Variants in CHD6 observed in about 807,000 individuals in gnomAD.
CHD6 encodes ATP-dependent chromatin remodeler CHD6.
A neutral mutation model predicts 276.9 loss-of-function variants in CHD6; 50 were observed. The observed-to-expected ratio is 0.18, with a 90% CI of 0.14 to 0.23. The LOEUF is 0.23. CHD6 is among the 10% of genes least tolerant of loss of function. The pLI, the probability that CHD6 is intolerant of heterozygous loss-of-function variation, is 1.00. For synonymous variants in CHD6, 1,173 were observed against 1,229.3 expected (o/e 0.95, Z 0.96); for missense variants, 2,564 against 3,365.8 (o/e 0.76, Z 5.89).
At chr20:41,455,707 T>C in intron 19 of CHD6, 93 bp downstream of exon 19, 1 of 802,900 alleles carries the variant, frequency 1.2e-6, no homozygotes, top group Non-Finnish European at 1.9e-6. Context: ...GGATTTGCAT[T>C]CAGAGAAACA....
chr20:41,548,396 A>G (rs2045083975), intron 2 of CHD6, among the ~76,000 whole-genome samples: 1 of 152,220 alleles, frequency 6.6e-6, no homozygotes, highest in Non-Finnish European at 1.5e-5. Flanking sequence ...AACCAGTAAA[A>G]TCTCACAAGA....
At chr20:41,433,991 C>A (rs1221222749) in intron 27 of CHD6, among the ~76,000 whole-genome samples, 4 of 151,710 alleles carry the variant, frequency 2.6e-5, no homozygotes, top group Non-Finnish European at 5.9e-5. Flanking sequence ...CTCATGTAAA[C>A]CAGAGGAAGG....
In CHD6 at chr20:41,487,699, A is replaced by G. The variant is rs2043450929; in HGVS notation, c.1967T>C (p.Leu656Ser). Residue 656 changes from leucine to serine, a missense_variant, in exon 14 of 37, where the codon TTG (leucine) becomes TCG (serine). Physicochemically the swap from Leu to Ser is moderately radical, Grantham distance 145. Coordinates refer to ENST00000373233, the MANE Select transcript of CHD6 (RefSeq NM_032221.5). ...TGTTTTCAGATCTCCAAATTCCTCC[A>G]AGAAAGCGGTCTCTGAAGGAAACTG... ...PSQFPSETAF[L>S]EEFGDLKTEE... 1 of 1,610,476 alleles carries G rather than the reference A, an allele frequency of 6.2e-7. No homozygotes were observed.
At chr20:41,585,325 G>C (rs2045582648) in intron 1 of CHD6, among the ~76,000 whole-genome samples, 1 of 151,954 alleles carries the variant, frequency 6.6e-6, no homozygotes, top group Non-Finnish European at 1.5e-5. Context: ...CCAACATGGA[G>C]AAACCGTCTT....
intron 17 of CHD6, among the ~76,000 whole-genome samples, chr20:41,464,364 G>T (rs772711212): frequency 6.6e-6 from 1 of 152,026 alleles, no homozygotes; most frequent in South Asian, 2.1e-4. Context: ...TAATACTAAA[G>T]ACCAAAAAAC....
chr20:41,586,262 C>T (rs1275144475), intron 1 of CHD6, among the ~76,000 whole-genome samples: 3 of 152,192 alleles, frequency 2.0e-5, no homozygotes, highest in South Asian at 2.1e-4. Context: ...TGCTGAACGC[C>T]GTCACAAGAC....
chr20:41,537,182 T>A (rs1158739340), intron 2 of CHD6, among the ~76,000 whole-genome samples: 1 of 152,194 alleles, frequency 6.6e-6, no homozygotes, highest in Non-Finnish European at 1.5e-5. Context: ...TTATCAAAAT[T>A]AATAACTTTT....
In CHD6 at chr20:41,499,299, TG is replaced by T; in HGVS notation, c.910del (p.Gln304ArgfsTer55). ...CTAGAAACATGAGCCACCAACCTCC[TG>T]GACAGTCTTAGATGCCAGGATCTTC... ...IEKILASKTV[Q>X]EVHPGEPPFD... On this transcript the variant is annotated frameshift_variant, in exon 6 of 37. Coordinates refer to ENST00000373233, the MANE Select transcript of CHD6 (RefSeq NM_032221.5). LOFTEE classifies it high-confidence loss of function. 1 of 1,607,092 alleles carries T rather than the reference TG, an allele frequency of 6.2e-7. No homozygotes were observed. Among genetic ancestry groups the T allele is most frequent in the Non-Finnish European group, 8.5e-7 (1 of 1,176,328 alleles).
intron 14 of CHD6, among the ~76,000 whole-genome samples, chr20:41,487,002 C>T (rs2043430958): frequency 6.6e-6 from 1 of 152,194 alleles, no homozygotes; most frequent in African/African-American, 2.4e-5. Flanking sequence ...GAAGGACCAC[C>T]TCTACTATTT....
intron 1 of CHD6, among the ~76,000 whole-genome samples, chr20:41,565,763 A>C (rs964729918): frequency 1.3e-5 from 2 of 152,178 alleles, no homozygotes; most frequent in Non-Finnish European, 2.9e-5. Context: ...GAAATGTTCT[A>C]TTTGGGGCGC....
chr20:41,484,033 A>C (rs1299297202), intron 15 of CHD6, among the ~76,000 whole-genome samples: 1 of 152,172 alleles, frequency 6.6e-6, no homozygotes, highest in Non-Finnish European at 1.5e-5. Flanking sequence ...CCCCAAGTAG[A>C]AAGTGTGGGC....
chr20:41,497,682 A>G lies in CHD6; in HGVS notation c.975-181T>C, dbSNP rs936900850. The G allele has an allele frequency of 1.0e-5, 6 of 597,526 alleles. No homozygotes were observed. The African/African-American group carries it at 1.1e-4, about 11-fold the overall frequency. The allele number at this position is 597,526 out of a possible 1,614,324, so 37.0% of individuals were successfully genotyped here. A position where few individuals can be genotyped will look rare whatever the true frequency, so the allele number is the denominator to read the frequency against. ...AAGGGCAACAACAGAAAACAAAACA[A>G]AACGGAGTAATTCCAAGCAACTGAT... On this transcript the variant is annotated intron_variant, in intron 7 of 36. Transcript: ENST00000373233.
At chr20:41,491,960 G>A (rs1298252604) in intron 10 of CHD6, 141 bp from the exon 11 acceptor site, 5 of 855,252 alleles carry the variant, frequency 5.8e-6, no homozygotes, top group Non-Finnish European at 7.3e-6. Context: ...GTAACGTATA[G>A]GTTGGGGGAA....
At position 41,405,231 on chromosome 20, in the gene CHD6, T is replaced by C. The variant is rs202205174; in HGVS notation, c.7510A>G (p.Thr2504Ala). ...TTGACCTCTTCACCTGTTGGCATCG[T>C]GGCAAAGCCAGCTGGAAACCCCACC... ...GLVGFPAGFA[T>A]MPTGEEVKST... The change falls in exon 37 of 37, where the codon ACG becomes GCG. Residue 2504 changes from threonine to alanine, a missense_variant. Coordinates refer to ENST00000373233, the MANE Select transcript of CHD6 (RefSeq NM_032221.5). 7 of 1,614,184 alleles carry C rather than the reference T, an allele frequency of 4.3e-6. No homozygotes were observed. Among genetic ancestry groups the C allele is most frequent in the Non-Finnish European group, 5.9e-6 (7 of 1,180,038 alleles).
intron 36 of CHD6, among the ~76,000 whole-genome samples, chr20:41,408,541 C>T (rs1211361381): frequency 6.6e-6 from 1 of 152,174 alleles, no homozygotes; most frequent in African/African-American, 2.4e-5. Context: ...TCTGGGCCAG[C>T]CACTCTGTCT....
chr20:41,415,709 G>A (rs1207378301), intron 33 of CHD6, 71 bp from the exon 34 acceptor site: 3 of 1,194,176 alleles, frequency 2.5e-6, no homozygotes, highest in South Asian at 1.5e-5. Flanking sequence ...CTTTCTCCAG[G>A]CCTGATTTCC....
chr20:41,484,506 C>T lies in CHD6; in HGVS notation c.2103G>A (p.Val701=), dbSNP rs775422794. Residue 701 remains valine (V), a synonymous_variant, in exon 15 of 37, where the codon GTG becomes GTA. Coordinates refer to ENST00000373233, the MANE Select transcript of CHD6 (RefSeq NM_032221.5). ...LAPKQETIIE[V]ELTNIQKKYY... is the part of the protein sequence containing the mutation. ...ACTTTTTCTGGATATTGGTCAGTTC[C>T]ACCTCAATGATCGTCTCTTGTTTGG... The T allele has an allele frequency of 6.2e-7, 1 of 1,613,708 alleles. No homozygotes were observed. The highest frequency in any genetic ancestry group is 1.3e-5 in the African/African-American group (1 of 74,868).
At position 41,420,640 on chromosome 20, in the gene CHD6, G is replaced by A; in HGVS notation, c.5995C>T (p.Pro1999Ser). 1 of 1,614,170 alleles carries A rather than the reference G, an allele frequency of 6.2e-7. No individual in the cohort carries two copies. The highest frequency in any genetic ancestry group is 8.5e-7 in the Non-Finnish European group (1 of 1,180,028). ...FKVKHELLKE[P>S]WKESAEGQNV... ...TGCCCCTCTGCACTTTCTTTCCAAG[G>A]TTCTTTTAAAAGCTCATGCTTCACT... is the stretch of plus-strand genomic sequence containing the variant. The change falls in exon 31 of 37, where the codon CCT becomes TCT. Residue 1999 changes from proline (P) to serine (S), a missense_variant. This residue lies in a region of CHD6 where 1,024 missense variants were observed against 1,047.9 expected (regional missense o/e 0.98). Transcript: ENST00000373233.
chr20:41,608,087 T>C (rs1205960922), intron 1 of CHD6, among the ~76,000 whole-genome samples: 2 of 152,192 alleles, frequency 1.3e-5, no homozygotes, highest in East Asian at 3.8e-4. Context: ...TGACAGCTAT[T>C]ATTATCATGA....
Sources: gnomAD v4.1 joint callset for allele counts (sites outside exome capture counted in the v4.1 genomes callset) on GRCh38, gnomAD v4.1.1 for gene constraint, gnomAD v4.1.1 regional missense constraint, MANE v1.5 for transcripts, NCBI Gene and HGNC (gene_info 2026-07-23, HGNC 2026-07-21) for gene names.